The following SMG5 variants were observed in gnomAD, a reference collection of about 807,000 sequenced individuals.
SMG5 encodes SMG5 nonsense mediated mRNA decay factor.
SMG5 carries 53 observed loss-of-function variants against 122.9 expected under a neutral mutation model. That is an observed-to-expected ratio of 0.43 (90% CI 0.35 to 0.54). SMG5 has a LOEUF of 0.54. Among genes scored for constraint, SMG5 ranks in the 20% least tolerant of loss-of-function variants. The pLI, the probability that SMG5 is intolerant of heterozygous loss-of-function variation, is 0.01. For missense variants in SMG5, 1,153 were observed against 1,285.6 expected, an observed-to-expected ratio of 0.90 and a Z score of 1.58; for synonymous variants, 477 against 490.2, an observed-to-expected ratio of 0.97 and a Z score of 0.35.
At chr1:156,283,469 G>C (rs1378390518), upstream of SMG5, among the ~76,000 whole-genome samples, 1 of 152,094 alleles carries the variant, frequency 6.6e-6, no homozygotes, top group Non-Finnish European at 1.5e-5. Context: ...AAGCTCAAAT[G>C]ATTTTAGGGA....
intron 14 of SMG5, 31 bp downstream of exon 14, chr1:156,261,298 CAAAG>C: frequency 6.2e-7 from 1 of 1,601,248 alleles, no homozygotes; most frequent in Non-Finnish European, 8.6e-7. Context: ...AATGAGAGAG[CAAAG>C]AAAGGAGGGT....
chr1:156,285,706 G>GC (rs780694092), upstream of SMG5: 70 of 1,613,222 alleles, frequency 4.3e-5, no homozygotes, highest in Admixed American at 1.5e-4. Context: ...GAACCTTCAT[G>GC]CCCCCCCGGG....
In SMG5 at chr1:156,264,267, C is replaced by CAAAAAA. The variant is rs1205363773; in HGVS notation, c.1856-703_1856-698dup. Among the ~76,000 whole-genome samples, 25 of 53,964 alleles carry CAAAAAA rather than the reference C, an allele frequency of 4.6e-4. 1 individual carries two copies. The highest frequency in any genetic ancestry group is 5.4e-4 in the Admixed American group (2 of 3,694). The allele number at this position is 53,964 out of a possible 152,430, so 35.4% of individuals were successfully genotyped here. On this transcript the variant is annotated intron_variant, in intron 12 of 21. Coordinates refer to ENST00000361813, the MANE Select transcript of SMG5 (RefSeq NM_015327.3). ...TGGGCAACAGAGCGAGACTCCGTCT[C>CAAAAAA]AAAAAAAAAAAAAAAAAAAAAAAAA...
In SMG5 at chr1:156,261,423, G is replaced by A. The variant is rs1488277601; in HGVS notation, c.2032-15C>T. 9 of 1,610,732 alleles carry A rather than the reference G, an allele frequency of 5.6e-6. No homozygotes were observed. The highest frequency in any genetic ancestry group is 1.3e-5 in the African/African-American group (1 of 74,820). ...CTTTGAGAGCTCTGGGGAGAGAGAA[G>A]GGAGAGGAGGCCTTCAGCTAGAGAC... On this transcript the variant is annotated splice_polypyrimidine_tract_variant and intron_variant, in intron 13 of 21. Coordinates refer to ENST00000361813, the MANE Select transcript of SMG5 (RefSeq NM_015327.3).
chr1:156,282,430 C>T (rs542896596), intron 1 of SMG5, among the ~76,000 whole-genome samples, 177 bp downstream of exon 1: 18 of 152,304 alleles, frequency 1.2e-4, no homozygotes, highest in Non-Finnish European at 2.4e-4. Context: ...CTACCCAATT[C>T]CTCCTTTCAG....
chr1:156,258,945 C>G, intron 16 of SMG5, 60 bp downstream of exon 16: 1 of 1,601,824 alleles, frequency 6.2e-7, no homozygotes, highest in Non-Finnish European at 8.5e-7. Context: ...GCCTCTTGCC[C>G]TGGTTTCTCA....
At position 156,251,242 on chromosome 1, in the gene SMG5, G is replaced by A. The variant is rs1472471594; in HGVS notation, c.2828+161C>T. Reference sequence around the variant, plus strand: ...TGCAGAGGAAAAGCTCAGGTGCTGCGGCAACTTCGTACTCCTCGCAAGGTG... The same window carrying A: ...TGCAGAGGAAAAGCTCAGGTGCTGCAGCAACTTCGTACTCCTCGCAAGGTG... On this transcript the variant is annotated intron_variant, in intron 20 of 21. Transcript: ENST00000361813. The A allele has an allele frequency of 6.2e-5, 59 of 952,120 alleles. 1 individual carries two copies. The highest frequency in any genetic ancestry group is 5.5e-4 in the South Asian group (38 of 68,526). The allele number at this position is 952,120 out of a possible 1,614,324, so 59.0% of individuals were successfully genotyped here. A position where few individuals can be genotyped will look rare whatever the true frequency, so the allele number is the denominator to read the frequency against.
At chr1:156,283,457 C>T (rs1439082300), upstream of SMG5, among the ~76,000 whole-genome samples, 1 of 152,132 alleles carries the variant, frequency 6.6e-6, no homozygotes, top group Non-Finnish European at 1.5e-5. Flanking sequence ...CCTGCCCTCC[C>T]AAAGCTCAAA....
chr1:156,279,744 T>C (rs539767675), intron 1 of SMG5, among the ~76,000 whole-genome samples: 19 of 152,288 alleles, frequency 1.2e-4, no homozygotes, highest in Admixed American at 6.5e-4. Flanking sequence ...TACTATGGAA[T>C]TGTGGGGTAT....
intron 16 of SMG5, among the ~76,000 whole-genome samples, chr1:156,258,795 T>TAA (rs543913594): frequency 1.5e-5 from 2 of 134,688 alleles, no homozygotes; most frequent in Non-Finnish European, 1.6e-5. Flanking sequence ...CTCCATCTCA[T>TAA]AAAAAAAAAA....
intron 6 of SMG5, 55 bp downstream of exon 6, chr1:156,273,306 G>T: frequency 6.9e-7 from 1 of 1,450,570 alleles, no homozygotes; most frequent in Non-Finnish European, 9.7e-7. Flanking sequence ...CAACAACATC[G>T]TCTTCCCTAG....
At chr1:156,273,305 C>T (rs1315781535) in intron 6 of SMG5, 56 bp downstream of exon 6, 6 of 1,440,602 alleles carry the variant, frequency 4.2e-6, no homozygotes, top group East Asian at 2.3e-5. Flanking sequence ...TCAACAACAT[C>T]GTCTTCCCTA....
In SMG5 at chr1:156,250,312, A is replaced by C; in HGVS notation, c.*275T>G. 2.1e-6 allele frequency: 1 copy of C among 472,012 alleles called. No homozygotes were observed. The highest frequency in any genetic ancestry group is 3.9e-6 in the Non-Finnish European group (1 of 258,592). The allele number at this position is 472,012 out of a possible 1,614,324, so 29.2% of individuals were successfully genotyped here. On this transcript the variant is annotated 3_prime_UTR_variant, in exon 22 of 22. Transcript: ENST00000361813. ...ATGCCTACCACCTGCCCCTGGAGAC[A>C]GCAGGGGAGCTGAGGCAGGAAGGCT...
At chr1:156,251,339 G>T in intron 20 of SMG5, 64 bp downstream of exon 20, 1 of 1,567,672 alleles carries the variant, frequency 6.4e-7, no homozygotes, top group Non-Finnish European at 8.8e-7. Flanking sequence ...GTTCTCCCTA[G>T]GAATGCTCGT....
At chr1:156,253,569 G>A in intron 16 of SMG5, 61 bp from the exon 17 acceptor site, 1 of 1,526,962 alleles carries the variant, frequency 6.5e-7, no homozygotes, top group South Asian at 1.1e-5. Flanking sequence ...CCAGTGATCA[G>A]GAAGACCAAG....
chr1:156,290,039 C>G, the SMG5 span: 1 of 152,300 alleles, frequency 6.6e-6, no homozygotes, highest in South Asian at 2.1e-4. Context: ...CCCTTGGAAT[C>G]TTAGTTTCTT....
intron 12 of SMG5, among the ~76,000 whole-genome samples, chr1:156,265,093 C>A (rs1662063297): frequency 6.7e-6 from 1 of 149,246 alleles, no homozygotes; most frequent in Admixed American, 6.7e-5. Context: ...CATGGTAGTG[C>A]ATGCCTGTCA....
rs1661948255 is a variant in SMG5, at chr1:156,263,368, CA to C, written c.2031+26del. Reference sequence around the variant, plus strand: ...CCTCCTCCAAGACCCTGGGACCTGACAGGGGCAATGGAGTGGACTGACACAC... The same window carrying C: ...CCTCCTCCAAGACCCTGGGACCTGACGGGGCAATGGAGTGGACTGACACAC... On this transcript the variant is annotated intron_variant, in intron 13 of 21. Coordinates refer to ENST00000361813, the MANE Select transcript of SMG5 (RefSeq NM_015327.3). 3.8e-6 allele frequency: 6 copies of C among 1,590,102 alleles called. No homozygotes were observed. The East Asian group carries it at 9.0e-5, about 24-fold the overall frequency.
In SMG5 at chr1:156,259,078, A is replaced by G; in HGVS notation, c.2369T>C (p.Val790Ala). The G allele has an allele frequency of 6.2e-7, 1 of 1,612,572 alleles. No homozygotes were observed. Among genetic ancestry groups the G allele is most frequent in the Non-Finnish European group, 8.5e-7 (1 of 1,179,440 alleles). ...CTGGGCAATGCTGACGAAGATGCCA[A>G]CCTCTGGGTTGAACTGCAGGATGCT... is the stretch of plus-strand genomic sequence containing the variant. Reference protein sequence around the residue: ...QGSILQFNPEVGIFVSIAQSE... With the variant: ...QGSILQFNPEAGIFVSIAQSE... The change falls in exon 16 of 22, where the codon GTT (valine) becomes GCT (alanine). Residue 790 changes from valine to alanine, a missense_variant. Physicochemically the swap from Val to Ala is moderately conservative, Grantham distance 64. Around this residue, in one of 5 missense-constraint regions of SMG5, gnomAD observed 140 missense variants for 227.8 expected, o/e 0.61. Coordinates refer to ENST00000361813, the MANE Select transcript of SMG5 (RefSeq NM_015327.3).
Sources: gnomAD v4.1 joint callset for allele counts (sites outside exome capture counted in the v4.1 genomes callset) on GRCh38, gnomAD v4.1.1 for gene constraint, gnomAD v4.1.1 regional missense constraint, MANE v1.5 for transcripts, NCBI Gene and HGNC (gene_info 2026-07-23, HGNC 2026-07-21) for gene names.